NAALADL2: variants seen among roughly 807,000 people sequenced by gnomAD.
NAALADL2 encodes inactive N-acetylated-alpha-linked acidic dipeptidase-like protein 2.
Under a neutral mutation model 87.2 loss-of-function variants are expected in NAALADL2, and 76 were observed. That is an observed-to-expected ratio of 0.87 (90% CI 0.72 to 1.05). NAALADL2 has a LOEUF of 1.05. NAALADL2 is among the 50% of genes least tolerant of loss of function. The pLI, the probability that NAALADL2 is intolerant of heterozygous loss-of-function variation, is 0.00. For missense variants in NAALADL2, 1,089 were observed against 945.8 expected (o/e 1.15, Z -1.99); for synonymous variants, 354 against 331.0 (o/e 1.07, Z -0.75).
intron 13 of NAALADL2, among the ~76,000 whole-genome samples, chr3:175,783,916 T>G: frequency 7.1e-6 from 1 of 141,484 alleles, no homozygotes; most frequent in Non-Finnish European, 1.5e-5. Flanking sequence ...GCATGAAGGG[T>G]TGTTGAATTT....
intron 5 of NAALADL2, among the ~76,000 whole-genome samples, chr3:175,436,855 T>C (rs2149183744): frequency 1.1e-5 from 1 of 87,992 alleles, no homozygotes; most frequent in Non-Finnish European, 2.3e-5. Context: ...TTTAGTTTAA[T>C]TAGATCCCAT....
chr3:174,806,019 A>T (rs557667844), intron 3 of NAALADL2, among the ~76,000 whole-genome samples: 2 of 152,300 alleles, frequency 1.3e-5, no homozygotes, highest in South Asian at 2.1e-4. Context: ...ACTAACTGTC[A>T]TGGAAATTTA....
In NAALADL2 at chr3:175,100,211, A is replaced by T. The variant is rs7635215; in HGVS notation, c.545+2920A>T. 4.6e-3 allele frequency among the ~76,000 whole-genome samples: 702 copies of T among 152,172 alleles called. 6 individuals are homozygous for T. The highest frequency in any genetic ancestry group is 0.016 in the African/African-American group (668 of 41,520). ...AGACAATTGATGCTACATTTCTAAGACCAACATGTAGCATGTAAAGCTTGA... is the reference window on the plus strand; with the variant it reads ...AGACAATTGATGCTACATTTCTAAGTCCAACATGTAGCATGTAAAGCTTGA... On this transcript the variant is annotated intron_variant, in intron 2 of 13. Transcript: ENST00000454872.
intron 13 of NAALADL2, among the ~76,000 whole-genome samples, chr3:175,799,465 A>T (rs1482326411): frequency 2.0e-5 from 3 of 152,112 alleles, no homozygotes; most frequent in South Asian, 4.1e-4. Flanking sequence ...TGAATAGTAG[A>T]TTATGAATGT....
intron 5 of NAALADL2, among the ~76,000 whole-genome samples, chr3:175,339,387 G>C (rs371640995): frequency 5.3e-5 from 8 of 152,230 alleles, no homozygotes; most frequent in African/African-American, 1.9e-4. Flanking sequence ...TGCCAATAAT[G>C]ATTCACAATT....
intron 1 of NAALADL2, among the ~76,000 whole-genome samples, chr3:175,028,182 G>A (rs1420015808): frequency 1.3e-5 from 2 of 152,040 alleles, no homozygotes; most frequent in Non-Finnish European, 2.9e-5. Context: ...TTGAGTCACT[G>A]ATTCTTTCTC....
intron 5 of NAALADL2, among the ~76,000 whole-genome samples, chr3:175,372,618 T>C (rs1388467240): frequency 6.6e-6 from 1 of 152,216 alleles, no homozygotes; most frequent in Non-Finnish European, 1.5e-5. Flanking sequence ...AAGGGTCTGT[T>C]CTTAAAGTCC....
At chr3:174,967,281 T>C (rs987459873) in intron 1 of NAALADL2, among the ~76,000 whole-genome samples, 5 of 150,474 alleles carry the variant, frequency 3.3e-5, no homozygotes, top group Admixed American at 2.0e-4. Context: ...ATAAATGAAG[T>C]AAGATTAAGT....
intron 1 of NAALADL2, among the ~76,000 whole-genome samples, chr3:174,964,124 C>T (rs1465007417): frequency 6.6e-6 from 1 of 151,770 alleles, no homozygotes; most frequent in East Asian, 1.9e-4. Flanking sequence ...ACCTTTCTTT[C>T]TTCACATGTA....
At chr3:175,424,681 C>G (rs1581828211) in intron 5 of NAALADL2, among the ~76,000 whole-genome samples, 1 of 152,156 alleles carries the variant, frequency 6.6e-6, no homozygotes, top group East Asian at 1.9e-4. Flanking sequence ...GTTTTTGTTA[C>G]TGTAGCCTTG....
At chr3:175,426,269 A>G (rs1486575499) in intron 5 of NAALADL2, among the ~76,000 whole-genome samples, 1 of 152,182 alleles carries the variant, frequency 6.6e-6, no homozygotes, top group Non-Finnish European at 1.5e-5. Flanking sequence ...AGGCCGAGGC[A>G]GGAGAATCAC....
intron 11 of NAALADL2, among the ~76,000 whole-genome samples, chr3:175,643,611 T>G (rs1189562172): frequency 6.6e-6 from 1 of 152,154 alleles, no homozygotes. Context: ...TTAAGATGGA[T>G]GTTTTAAGTC....
chr3:174,458,463 A>G (rs1411930697), intron 1 of NAALADL2: 1 of 152,138 alleles, frequency 6.6e-6, no homozygotes, highest in Non-Finnish European at 1.5e-5. Context: ...AATAAATGTT[A>G]TTTTCCTTTT....
chr3:175,460,363 G>C (rs1722931783), intron 6 of NAALADL2, among the ~76,000 whole-genome samples: 1 of 152,148 alleles, frequency 6.6e-6, no homozygotes, highest in Non-Finnish European at 1.5e-5. Context: ...TAAATAAAGA[G>C]ATGAAAAGTA....
chr3:175,765,292 A>T (rs1748543331), intron 13 of NAALADL2, among the ~76,000 whole-genome samples: 1 of 152,106 alleles, frequency 6.6e-6, no homozygotes, highest in South Asian at 2.1e-4. Context: ...TACATACACT[A>T]GTTTTATAAT....
chr3:174,725,541 C>T (rs534766390), intron 2 of NAALADL2, among the ~76,000 whole-genome samples: 28 of 152,214 alleles, frequency 1.8e-4, no homozygotes, highest in Non-Finnish European at 3.2e-4. Flanking sequence ...TAAACCATTT[C>T]GTAATTTCTC....
intron 2 of NAALADL2, among the ~76,000 whole-genome samples, chr3:174,687,059 G>C (rs559755090): frequency 6.6e-6 from 1 of 151,978 alleles, no homozygotes; most frequent in African/African-American, 2.4e-5. Flanking sequence ...ATGAAAGCCA[G>C]ATTCCTCACA....
intron 2 of NAALADL2, among the ~76,000 whole-genome samples, chr3:175,181,693 A>ATGTG (rs1472152912): frequency 2.1e-5 from 1 of 48,440 alleles, no homozygotes; most frequent in African/African-American, 4.8e-5. Context: ...ATATATATAT[A>ATGTG]TATATATATA....
At chr3:175,128,924 A>G (rs550856181) in intron 2 of NAALADL2, among the ~76,000 whole-genome samples, 95 of 151,832 alleles carry the variant, frequency 6.3e-4, no homozygotes, top group Non-Finnish European at 1.2e-3. Flanking sequence ...ACTAGTTACC[A>G]ATTTTTTTTT....
Sources: allele counts gnomAD v4.1 joint callset (sites outside exome capture counted in the v4.1 genomes callset), GRCh38; gene constraint gnomAD v4.1.1; transcripts MANE v1.5; gene names NCBI Gene and HGNC (gene_info 2026-07-23, HGNC 2026-07-21).